Variants in NCKAP5 observed in about 807,000 individuals in gnomAD.
NCKAP5 encodes the protein NCK associated protein 5, also known as nck-associated protein 5.
In NCKAP5, 92 loss-of-function variants were observed where a neutral mutation model predicts 167.0. That is an observed-to-expected ratio of 0.55 (90% CI 0.47 to 0.66). The LOEUF (loss-of-function observed/expected upper bound fraction) is 0.66, where lower values mean the gene tolerates loss of function less well. Among genes scored for constraint, NCKAP5 ranks in the 30% least tolerant of loss-of-function variants. The probability of loss-of-function intolerance (pLI) is 0.00; values close to 1 mark genes in which losing one functional copy is unlikely to be tolerated. For missense variants in NCKAP5, 2,378 were observed against 2,315.0 expected (o/e 1.03, Z -0.56); for synonymous variants, 891 against 877.4 (o/e 1.02, Z -0.27).
In NCKAP5 at chr2:132,784,787, T is replaced by C; in HGVS notation, c.2024A>G (p.Asp675Gly). 4.4e-6 allele frequency: 7 copies of C among 1,603,496 alleles called. No homozygotes were observed. The highest frequency in any genetic ancestry group is 6.0e-6 in the Non-Finnish European group (7 of 1,173,548). Reference protein sequence around the residue: ...ECVTVIFDAEDGEPIEFSSHQ... With the variant: ...ECVTVIFDAEGGEPIEFSSHQ... ...AGAGCTGAATTCAATGGGCTCACCGTCTTCCGCATCAAATATCACAGTCAC... is the reference window on the plus strand; with the variant it reads ...AGAGCTGAATTCAATGGGCTCACCGCCTTCCGCATCAAATATCACAGTCAC... Residue 675 changes from aspartate to glycine, a missense_variant, in exon 14 of 20, where the codon GAC becomes GGC. Around this residue, in one of 3 missense-constraint regions of NCKAP5, gnomAD observed 1,049 missense variants for 1,023.4 expected, o/e 1.02. Coordinates refer to ENST00000409261, the MANE Select transcript of NCKAP5 (RefSeq NM_207363.3).
intron 4 of NCKAP5, among the ~76,000 whole-genome samples, chr2:133,252,518 T>C (rs1455955143): frequency 1.3e-5 from 2 of 152,206 alleles, no homozygotes; most frequent in Non-Finnish European, 2.9e-5. Context: ...GCACAGGGAC[T>C]GTCAGATCAG....
intron 4 of NCKAP5, among the ~76,000 whole-genome samples, chr2:133,235,852 C>T (rs13401092): frequency 1.3e-5 from 2 of 150,076 alleles, no homozygotes; most frequent in East Asian, 2.0e-4. Context: ...TGCAGTGAGC[C>T]GAGATTGTGC....
chr2:132,900,599 A>G (rs1227130747), intron 8 of NCKAP5, among the ~76,000 whole-genome samples: 2 of 152,222 alleles, frequency 1.3e-5, no homozygotes, highest in Non-Finnish European at 2.9e-5. Context: ...TAGAATTAGA[A>G]GGGTTTGAGG....
At chr2:133,623,770 G>A in the NCKAP5 span, among the ~76,000 whole-genome samples, 1 of 152,124 alleles carries the variant, frequency 6.6e-6, no homozygotes, top group African/African-American at 2.4e-5. Flanking sequence ...TCTACCATTT[G>A]ATCCAGTAAT....
At chr2:133,288,127 A>G (rs1679293527) in intron 4 of NCKAP5, among the ~76,000 whole-genome samples, 1 of 152,214 alleles carries the variant, frequency 6.6e-6, no homozygotes, top group African/African-American at 2.4e-5. Context: ...CTTCCTGGAT[A>G]ACCAATTCTT....
intron 3 of NCKAP5, among the ~76,000 whole-genome samples, chr2:133,363,764 T>G (rs1685273563): frequency 6.6e-6 from 1 of 152,076 alleles, no homozygotes; most frequent in Non-Finnish European, 1.5e-5. Flanking sequence ...GATGAATGGA[T>G]AGATGGGTGG....
chr2:133,444,668 G>T (rs975845592), intron 3 of NCKAP5, among the ~76,000 whole-genome samples: 2 of 152,148 alleles, frequency 1.3e-5, no homozygotes, highest in African/African-American at 4.8e-5. Context: ...GCAGGGATTT[G>T]CCAGAGTTCT....
chr2:133,116,487 C>CA (rs1176731938), intron 6 of NCKAP5, among the ~76,000 whole-genome samples: 1,500 of 6,988 alleles, frequency 0.21, 285 homozygotes, highest in Non-Finnish European at 0.28. Flanking sequence ...GACTCCGTCT[C>CA]AAAAAAAAAA....
chr2:133,263,529 A>T (rs1467538359), intron 4 of NCKAP5, among the ~76,000 whole-genome samples: 2 of 152,068 alleles, frequency 1.3e-5, no homozygotes, highest in Non-Finnish European at 2.9e-5. Flanking sequence ...GATACACAAG[A>T]TCAGCATGAT....
intron 6 of NCKAP5, among the ~76,000 whole-genome samples, chr2:133,085,339 T>G (rs531722542): frequency 6.6e-6 from 1 of 152,304 alleles, no homozygotes; most frequent in East Asian, 1.9e-4. Flanking sequence ...AGTAATGGTC[T>G]AGGTTGACTT....
rs567486204 is a variant in NCKAP5 at position 132,895,131 on chromosome 2, A to G, written c.580-16215T>C. 2.6e-5 allele frequency among the ~76,000 whole-genome samples: 4 copies of G among 152,072 alleles called. No individual in the cohort carries two copies. In the South Asian group the frequency reaches 6.2e-4, roughly 24 times the overall value. ...CGGATCACAAGGTCAGGAGATGGAG[A>G]CCTTCCTGGCTAACACGGTGAAACC... On this transcript the variant is annotated intron_variant, in intron 8 of 19. Transcript: ENST00000409261.
intron 2 of NCKAP5, among the ~76,000 whole-genome samples, chr2:133,519,630 T>C (rs889458826): frequency 6.6e-6 from 1 of 152,088 alleles, no homozygotes; most frequent in Non-Finnish European, 1.5e-5. Flanking sequence ...AGCATGGGAG[T>C]TTGATAGCTC....
chr2:133,042,287 T>C (rs1224832426), intron 6 of NCKAP5, among the ~76,000 whole-genome samples: 1 of 151,888 alleles, frequency 6.6e-6, no homozygotes, highest in African/African-American at 2.4e-5. Context: ...GCAAGTGGAG[T>C]GGGCATTCAG....
At chr2:133,108,568 G>A (rs2081798886) in intron 6 of NCKAP5, among the ~76,000 whole-genome samples, 2 of 152,086 alleles carry the variant, frequency 1.3e-5, no homozygotes, top group South Asian at 4.1e-4. Flanking sequence ...AACATTCAAG[G>A]GACATTATGT....
rs1003811582 is a variant in NCKAP5, at chr2:133,075,269, A to G, written c.341+54709T>C. ...TCAGAATTTTAAATCCAGTAAAACT[A>G]TCTCTCAGGAATAAATGTAAAATAA... On this transcript the variant is annotated intron_variant, in intron 6 of 19. Transcript: ENST00000409261. Among the ~76,000 whole-genome samples the G allele has an allele frequency of 4.3e-4, 66 of 152,170 alleles. 1 individual carries two copies. Among genetic ancestry groups the G allele is most frequent in the Non-Finnish European group, 9.1e-4 (62 of 68,014 alleles).
chr2:133,654,591 C>T, the NCKAP5 span, among the ~76,000 whole-genome samples: 4 of 152,084 alleles, frequency 2.6e-5, no homozygotes, highest in Non-Finnish European at 4.4e-5. Context: ...CTATGTGGCT[C>T]GTGTCTTATC....
intron 11 of NCKAP5, among the ~76,000 whole-genome samples, chr2:132,842,520 T>C (rs56765243): frequency 0.079 from 11,975 of 152,028 alleles, 686 homozygotes; most frequent in African/African-American, 0.16. Context: ...CTAAAGATAT[T>C]TGAGGATATC....
intron 8 of NCKAP5, among the ~76,000 whole-genome samples, chr2:132,954,942 A>G (rs1394656458): frequency 2.0e-5 from 3 of 152,214 alleles, no homozygotes; most frequent in Non-Finnish European, 1.5e-5. Context: ...TAGCTTAGTG[A>G]TGTTGCTAGG....
At chr2:132,988,648 T>G (rs1297477461) in intron 7 of NCKAP5, among the ~76,000 whole-genome samples, 1 of 152,190 alleles carries the variant, frequency 6.6e-6, no homozygotes, top group East Asian at 1.9e-4. Flanking sequence ...CAGCCTGCCA[T>G]AGGCCCCACC....
Sources: gnomAD v4.1 joint callset for allele counts (sites outside exome capture counted in the v4.1 genomes callset) on GRCh38, gnomAD v4.1.1 for gene constraint, gnomAD v4.1.1 regional missense constraint, MANE v1.5 for transcripts, NCBI Gene and HGNC (gene_info 2026-07-23, HGNC 2026-07-21) for gene names.